The following XIRP2 variants were observed in gnomAD, a reference collection of about 807,000 sequenced individuals.
XIRP2 encodes xin actin-binding repeat-containing protein 2.
In XIRP2, 236 loss-of-function variants were observed where a neutral mutation model predicts 277.0. The observed-to-expected ratio is 0.85, with a 90% CI of 0.77 to 0.95. XIRP2 has a LOEUF of 0.95. XIRP2 is among the 40% of genes least tolerant of loss of function. The pLI is 0.00. For synonymous variants in XIRP2, 1,490 were observed against 1,416.5 expected, an observed-to-expected ratio of 1.05 and a Z score of -1.17; for missense variants, 4,640 against 4,157.5, an observed-to-expected ratio of 1.12 and a Z score of -3.19.
intron 2 of XIRP2, among the ~76,000 whole-genome samples, chr2:166,976,269 T>C (rs1048559177): frequency 3.9e-5 from 6 of 152,186 alleles, no homozygotes; most frequent in South Asian, 2.1e-4. Context: ...CTTATTGTTA[T>C]GTGTGAAGGC....
At chr2:167,164,237 G>C (rs1294642809) in intron 3 of XIRP2, among the ~76,000 whole-genome samples, 1 of 151,632 alleles carries the variant, frequency 6.6e-6, no homozygotes, top group Non-Finnish European at 1.5e-5. Context: ...TCAGGAGGTC[G>C]AGACCATCCT....
At chr2:166,905,517 G>C (rs915326835) in intron 2 of XIRP2, among the ~76,000 whole-genome samples, 1 of 151,810 alleles carries the variant, frequency 6.6e-6, no homozygotes, top group Non-Finnish European at 1.5e-5. Context: ...ATTATGAAAA[G>C]AACCAGATAT....
intron 2 of XIRP2, among the ~76,000 whole-genome samples, chr2:167,113,551 G>A (rs1399309903): frequency 2.6e-5 from 4 of 152,004 alleles, no homozygotes; most frequent in Admixed American, 6.6e-5. Context: ...CATGTGAGTG[G>A]GTCTCTTGAA....
intron 3 of XIRP2, among the ~76,000 whole-genome samples, chr2:167,205,725 G>A (rs919382280): frequency 9.2e-5 from 14 of 152,052 alleles, no homozygotes; most frequent in African/African-American, 3.4e-4. Context: ...TGTAGGGTTT[G>A]TTTTGCATCT....
intron 2 of XIRP2, among the ~76,000 whole-genome samples, chr2:167,085,777 T>C (rs1211872475): frequency 6.6e-6 from 1 of 152,160 alleles, no homozygotes; most frequent in Non-Finnish European, 1.5e-5. Flanking sequence ...CCTGCCTTTT[T>C]TGTTTTCCAT....
chr2:166,901,118 G>C (rs890461402), intron 1 of XIRP2, among the ~76,000 whole-genome samples: 1 of 152,100 alleles, frequency 6.6e-6, no homozygotes, highest in South Asian at 2.1e-4. Flanking sequence ...TGGCCTAGAA[G>C]TGTCCTGTCT....
At chr2:167,232,354 GA>G (rs1175870731) in intron 5 of XIRP2, among the ~76,000 whole-genome samples, 2 of 151,894 alleles carry the variant, frequency 1.3e-5, no homozygotes, top group Admixed American at 1.3e-4. Flanking sequence ...TCAGGAGCCA[GA>G]ATGGTTTGGA....
chr2:167,026,767 A>G (rs1034938997), intron 2 of XIRP2, among the ~76,000 whole-genome samples: 11 of 152,138 alleles, frequency 7.2e-5, no homozygotes, highest in Admixed American at 7.2e-4. Context: ...TTCTTTAAGA[A>G]TGTTGAATGT....
intron 2 of XIRP2, among the ~76,000 whole-genome samples, chr2:167,059,870 C>T (rs962382032): frequency 9.2e-5 from 14 of 152,218 alleles, no homozygotes; most frequent in Non-Finnish European, 1.9e-4. Flanking sequence ...GGCTTTACAA[C>T]AGCTTACACA....
chr2:167,093,764 C>T (rs1288820071), intron 2 of XIRP2, among the ~76,000 whole-genome samples: 2 of 152,162 alleles, frequency 1.3e-5, no homozygotes, highest in African/African-American at 2.4e-5. Context: ...GTGAATAGGA[C>T]CGCAATAAAC....
intron 2 of XIRP2, among the ~76,000 whole-genome samples, chr2:166,909,508 G>T (rs1269332640): frequency 6.6e-6 from 1 of 152,200 alleles, no homozygotes; most frequent in East Asian, 1.9e-4. Context: ...AGCTTAAGGA[G>T]ATTTTGGGCT....
chr2:167,189,641 G>C (rs1462288526), intron 3 of XIRP2, among the ~76,000 whole-genome samples: 1 of 152,176 alleles, frequency 6.6e-6, no homozygotes. Context: ...GACTTTTTTA[G>C]AACACTGATT....
chr2:167,002,919 C>T (rs987236222), intron 2 of XIRP2, among the ~76,000 whole-genome samples: 1 of 151,816 alleles, frequency 6.6e-6, no homozygotes, highest in African/African-American at 2.4e-5. Context: ...CTTGGATTGT[C>T]AGATGCTCAT....
rs1032519403 is a variant in XIRP2, at chr2:167,237,433, C to CT, written c.859-2412dup. On this transcript the variant is annotated intron_variant, in intron 5 of 10. Coordinates refer to ENST00000409195, the MANE Select transcript of XIRP2 (RefSeq NM_152381.6). Reference sequence around the variant, plus strand: ...CATGGGTACCAGACAAGTTTTGTTGCTTTTTTTTTTAAATGTCATCTTGCT... The same window carrying CT: ...CATGGGTACCAGACAAGTTTTGTTGCTTTTTTTTTTTAAATGTCATCTTGCT... Among the ~76,000 whole-genome samples, 712 of 147,606 alleles carry CT rather than the reference C, an allele frequency of 4.8e-3. 3 individuals are homozygous for CT. The highest frequency in any genetic ancestry group is 0.017 in the African/African-American group (670 of 40,390).
At chr2:167,013,946 G>C (rs1299863102) in intron 2 of XIRP2, among the ~76,000 whole-genome samples, 2 of 151,126 alleles carry the variant, frequency 1.3e-5, no homozygotes. Context: ...CTTTACAGGG[G>C]AGTGAGGACT....
intron 2 of XIRP2, among the ~76,000 whole-genome samples, chr2:166,982,194 C>A (rs1389225572): frequency 6.6e-6 from 1 of 151,442 alleles, no homozygotes; most frequent in Non-Finnish European, 1.5e-5. Flanking sequence ...TCCATTATTT[C>A]TGATAAAGAG....
chr2:167,151,173 C>G (rs1692005100), intron 3 of XIRP2, among the ~76,000 whole-genome samples: 1 of 152,062 alleles, frequency 6.6e-6, no homozygotes, highest in Non-Finnish European at 1.5e-5. Flanking sequence ...TATTGGGTCC[C>G]AGTTACCACA....
Position 167,251,343 on chromosome 2 carries a change from AACT to A in XIRP2, c.9952_9954del (p.Thr3318del). On this transcript the variant is annotated inframe_deletion, in exon 9 of 11. Coordinates refer to ENST00000409195, the MANE Select transcript of XIRP2 (RefSeq NM_152381.6). Reference sequence around the variant, plus strand: ...CACAGAGATATGAAGCGGCCAACCGAACTGTTCAAATGGCTGAAAATTTCGTGA... The same window carrying A: ...CACAGAGATATGAAGCGGCCAACCGAGTTCAAATGGCTGAAAATTTCGTGA... 13 of 1,613,596 alleles carry A rather than the reference AACT, an allele frequency of 8.1e-6. No homozygotes were observed. The highest frequency in any genetic ancestry group is 1.1e-5 in the Non-Finnish European group (13 of 1,179,698).
chr2:166,978,699 C>T (rs1558936487), intron 2 of XIRP2, among the ~76,000 whole-genome samples: 2 of 152,000 alleles, frequency 1.3e-5, no homozygotes, highest in African/African-American at 2.4e-5. Context: ...AATAATTTTT[C>T]TAGCCAGACA....
Sources: gnomAD v4.1 joint callset for allele counts (sites outside exome capture counted in the v4.1 genomes callset) on GRCh38, gnomAD v4.1.1 for gene constraint, MANE v1.5 for transcripts, NCBI Gene and HGNC (gene_info 2026-07-23, HGNC 2026-07-21) for gene names.